The following NELL1 variants were observed in gnomAD, a reference collection of about 807,000 sequenced individuals.
The protein encoded by NELL1 is neural EGFL like 1, also known as protein kinase C-binding protein NELL1.
NELL1 carries 76 observed loss-of-function variants against 107.4 expected under a neutral mutation model. That is an observed-to-expected ratio of 0.71 (90% CI 0.59 to 0.86). The LOEUF (loss-of-function observed/expected upper bound fraction) is 0.86. Among genes scored for constraint, NELL1 ranks in the 40% least tolerant of loss-of-function variants. The pLI is 0.00. For missense variants in NELL1, 1,024 were observed against 1,005.5 expected, an observed-to-expected ratio of 1.02 and a Z score of -0.25; for synonymous variants, 353 against 341.2, an observed-to-expected ratio of 1.03 and a Z score of -0.38.
chr11:21,363,454 C>T (rs1262597887), intron 14 of NELL1, among the ~76,000 whole-genome samples: 2 of 152,138 alleles, frequency 1.3e-5, no homozygotes, highest in Admixed American at 6.5e-5. Flanking sequence ...CAGTTTTTCA[C>T]CTGTTTCACA....
At chr11:20,866,756 T>C (rs955159075) in intron 4 of NELL1, among the ~76,000 whole-genome samples, 2 of 152,190 alleles carry the variant, frequency 1.3e-5, no homozygotes, top group African/African-American at 4.8e-5. Context: ...TTATTGTCTT[T>C]GAAGGACTAT....
intron 14 of NELL1, among the ~76,000 whole-genome samples, chr11:21,319,494 T>TTATA (rs143740709): frequency 0.16 from 22,294 of 135,298 alleles, 2,220 homozygotes; most frequent in Admixed American, 0.22. Context: ...CCAGCTAAAT[T>TTATA]TATATATATA....
At position 21,171,496 on chromosome 11, in the gene NELL1, C is replaced by T. The variant is rs181058923; in HGVS notation, c.1426+57782C>T. On this transcript the variant is annotated intron_variant, in intron 13 of 19. Coordinates refer to ENST00000357134, the MANE Select transcript of NELL1 (RefSeq NM_006157.5). ...AATTGCTGTTTCACTTAACAAACTG[C>T]GAGTGTTTCTATGTTATTAGCATTT... 1.6e-3 allele frequency among the ~76,000 whole-genome samples: 236 copies of T among 151,868 alleles called. 2 individuals are homozygous for T. Among genetic ancestry groups the T allele is most frequent in the Non-Finnish European group, 2.7e-3 (186 of 68,000 alleles).
chr11:20,786,720 C>G (rs190318315), intron 3 of NELL1, among the ~76,000 whole-genome samples: 2,206 of 151,952 alleles, frequency 0.015, 24 homozygotes, highest in Admixed American at 0.022. Context: ...TATTAAAAAG[C>G]TTTAGAGGCC....
chr11:20,975,845 T>C (rs1851606797), intron 12 of NELL1, among the ~76,000 whole-genome samples: 1 of 133,582 alleles, frequency 7.5e-6, no homozygotes, highest in Non-Finnish European at 1.6e-5. Context: ...ATATGTGTAT[T>C]ATATATACAT....
At chr11:20,716,151 C>G (rs1363673673) in intron 2 of NELL1, among the ~76,000 whole-genome samples, 3 of 152,176 alleles carry the variant, frequency 2.0e-5, no homozygotes, top group African/African-American at 7.2e-5. Flanking sequence ...TGCTTACAGT[C>G]TGTTAAAAAA....
intron 12 of NELL1, among the ~76,000 whole-genome samples, chr11:20,963,963 T>C (rs1023287214): frequency 6.6e-6 from 1 of 152,180 alleles, no homozygotes; most frequent in African/African-American, 2.4e-5. Flanking sequence ...GCTCCTGCTC[T>C]GTAGAGATTG....
chr11:20,671,773 G>GGC lies in NELL1; in HGVS notation c.55+1996_55+1997insCG, dbSNP rs1555050276. Among the ~76,000 whole-genome samples, 200 of 111,196 alleles carry GGC rather than the reference G, an allele frequency of 1.8e-3. 1 individual carries two copies. The highest frequency in any genetic ancestry group is 2.8e-3 in the Non-Finnish European group (138 of 49,738). 72.9% of individuals were successfully genotyped at this position (111,196 alleles called of 152,430 possible). ...AGGCATTTTAATTTTACAGATTGAT[G>GGC]GGGGGGGTGGTGGAGAGGTAGGAGT... On this transcript the variant is annotated intron_variant, in intron 1 of 19. Coordinates refer to ENST00000357134, the MANE Select transcript of NELL1 (RefSeq NM_006157.5).
chr11:21,037,765 C>G (rs553471349), intron 12 of NELL1, among the ~76,000 whole-genome samples: 1 of 152,202 alleles, frequency 6.6e-6, no homozygotes, highest in South Asian at 2.1e-4. Flanking sequence ...GCAAACTTCC[C>G]TTAAATTCTT....
Position 20,729,876 on chromosome 11 carries a change from G to T in NELL1, c.184+51816G>T, listed in dbSNP as rs559358157. Among the ~76,000 whole-genome samples, 4 of 152,284 alleles carry T rather than the reference G, an allele frequency of 2.6e-5. No homozygotes were observed. The South Asian group carries it at 8.3e-4, about 32-fold the overall frequency. ...GAGCTGAGCCAATGGGGAGGAAATT[G>T]GATGCACTCAGGATGTCTGATAGAT... is the stretch of plus-strand genomic sequence containing the variant. On this transcript the variant is annotated intron_variant, in intron 2 of 19. Transcript: ENST00000357134.
At chr11:20,974,487 T>C (rs775747376) in intron 12 of NELL1, among the ~76,000 whole-genome samples, 14 of 152,194 alleles carry the variant, frequency 9.2e-5, no homozygotes, top group Non-Finnish European at 1.6e-4. Flanking sequence ...CTTTTTTTTT[T>C]TCCCCAGGAT....
intron 12 of NELL1, among the ~76,000 whole-genome samples, chr11:20,995,622 CAGAAG>C (rs1852074751): frequency 1.3e-5 from 2 of 152,044 alleles, no homozygotes; most frequent in African/African-American, 4.8e-5. Flanking sequence ...TTCTACATCC[CAGAAG>C]AGAAGAGTGG....
Position 21,066,379 on chromosome 11 carries a change from G to A in NELL1, c.1301-47210G>A, listed in dbSNP as rs1426808744. Among the ~76,000 whole-genome samples the A allele has an allele frequency of 2.6e-5, 4 of 152,104 alleles. No individual in the cohort carries two copies. In the East Asian group the frequency reaches 7.7e-4, roughly 29 times the overall value. ...CTTCTCTTACTGTATTAGTGGAGTT[G>A]GTAGCAGGATGATTTTTTGGCCTTT... On this transcript the variant is annotated intron_variant, in intron 12 of 19. Coordinates refer to ENST00000357134, the MANE Select transcript of NELL1 (RefSeq NM_006157.5).
chr11:21,142,987 TAAA>T (rs1208491699), intron 13 of NELL1, among the ~76,000 whole-genome samples: 1 of 152,122 alleles, frequency 6.6e-6, no homozygotes, highest in Non-Finnish European at 1.5e-5. Context: ...TATATGTAAG[TAAA>T]ATGAAGTAGA....
At chr11:21,001,578 G>A (rs748462680) in intron 12 of NELL1, among the ~76,000 whole-genome samples, 1 of 152,068 alleles carries the variant, frequency 6.6e-6, no homozygotes, top group Non-Finnish European at 1.5e-5. Context: ...TCTCTGGGAA[G>A]CGGATGCTGA....
intron 15 of NELL1, among the ~76,000 whole-genome samples, chr11:21,408,706 C>T (rs1422620464): frequency 6.6e-6 from 1 of 151,906 alleles, no homozygotes; most frequent in Admixed American, 6.6e-5. Flanking sequence ...CTTTTGTTGC[C>T]ATTGCTTTTG....
At chr11:21,040,583 C>G (rs1853206194) in intron 12 of NELL1, among the ~76,000 whole-genome samples, 1 of 152,120 alleles carries the variant, frequency 6.6e-6, no homozygotes, top group Non-Finnish European at 1.5e-5. Context: ...CTGGTTTACT[C>G]TTAATAGAGA....
chr11:21,177,258 A>G (rs1382370259), intron 13 of NELL1, among the ~76,000 whole-genome samples: 7 of 151,602 alleles, frequency 4.6e-5, no homozygotes, highest in South Asian at 2.1e-4. Context: ...CCCTTTTTCT[A>G]TCTACCCCCT....
At chr11:21,167,184 T>C (rs551248326) in intron 13 of NELL1, among the ~76,000 whole-genome samples, 4 of 151,980 alleles carry the variant, frequency 2.6e-5, no homozygotes, top group African/African-American at 9.7e-5. Context: ...GCTTTCATTA[T>C]ATAGTGTTGC....
Sources: gnomAD v4.1 joint callset for allele counts (sites outside exome capture counted in the v4.1 genomes callset) on GRCh38, gnomAD v4.1.1 for gene constraint, MANE v1.5 for transcripts, NCBI Gene and HGNC (gene_info 2026-07-23, HGNC 2026-07-21) for gene names.